Variants in MDGA2 observed in about 807,000 individuals in gnomAD.
MDGA2 encodes MAM domain containing glycosylphosphatidylinositol anchor 2, also known as MAM domain-containing glycosylphosphatidylinositol anchor protein 2.
A neutral mutation model predicts 117.8 loss-of-function variants in MDGA2; 40 were observed. The ratio of observed to expected loss-of-function variants is 0.34; its 90% confidence interval spans 0.26 to 0.44. MDGA2 has a LOEUF of 0.44. MDGA2 is among the 20% of genes least tolerant of loss of function. The pLI is 1.00. For synonymous variants in MDGA2, 452 were observed against 439.0 expected, an observed-to-expected ratio of 1.03 and a Z score of -0.37; for missense variants, 1,123 against 1,250.6, an observed-to-expected ratio of 0.90 and a Z score of 1.54.
At chr14:47,110,211 T>C (rs1341418847) in intron 5 of MDGA2, among the ~76,000 whole-genome samples, 3 of 152,144 alleles carry the variant, frequency 2.0e-5, no homozygotes, top group Non-Finnish European at 2.9e-5. Context: ...TTTGTACTTA[T>C]TTGTTCATTT....
chr14:47,657,778 C>T (rs1353502509), intron 1 of MDGA2, among the ~76,000 whole-genome samples: 1 of 152,154 alleles, frequency 6.6e-6, no homozygotes, highest in African/African-American at 2.4e-5. Flanking sequence ...GGTTCTATCA[C>T]ATCATCTAAT....
At chr14:47,295,963 T>C (rs1889057013) in intron 2 of MDGA2, among the ~76,000 whole-genome samples, 1 of 151,394 alleles carries the variant, frequency 6.6e-6, no homozygotes, top group Non-Finnish European at 1.5e-5. Context: ...GATAGATAGA[T>C]AGATAGATAG....
At position 46,957,615 on chromosome 14, in the gene MDGA2, C is replaced by G; in HGVS notation, c.1848G>C (p.Leu616Phe). The change falls in exon 9 of 17, where the codon TTG becomes TTC. Residue 616 changes from leucine to phenylalanine, a missense_variant. Leu to Phe is a conservative substitution (Grantham distance 22). This residue lies in a region of MDGA2 where 890 missense variants were observed against 1,050.3 expected (regional missense o/e 0.85). Transcript: ENST00000399232. ...TTCGATCCTGTCCTTGCCGGATTTC[C>G]AAGAATGCTGGTTCCACTGCAGGGG... ...QYPPAVEPAF[L>F]EIRQGQDRSV... 1.2e-6 allele frequency: 2 copies of G among 1,614,064 alleles called. No homozygotes were observed. The highest frequency in any genetic ancestry group is 1.7e-6 in the Non-Finnish European group (2 of 1,179,992).
At chr14:46,863,644 A>C (rs1881603507) in intron 14 of MDGA2, among the ~76,000 whole-genome samples, 1 of 152,162 alleles carries the variant, frequency 6.6e-6, no homozygotes, top group South Asian at 2.1e-4. Flanking sequence ...AATTAGACTT[A>C]TATGGTTTGA....
chr14:47,237,700 A>G (rs1051200391), intron 2 of MDGA2, among the ~76,000 whole-genome samples: 10 of 152,110 alleles, frequency 6.6e-5, no homozygotes, highest in African/African-American at 2.4e-4. Context: ...AGTTCCTCAT[A>G]TCGAAATTCT....
chr14:47,297,630 A>ACTTT (rs907064199), intron 2 of MDGA2, among the ~76,000 whole-genome samples: 1 of 152,154 alleles, frequency 6.6e-6, no homozygotes, highest in Non-Finnish European at 1.5e-5. Flanking sequence ...GCAAACCCTT[A>ACTTT]CTTTCTTTCT....
intron 1 of MDGA2, among the ~76,000 whole-genome samples, chr14:47,622,036 C>T (rs1897059049): frequency 6.6e-6 from 1 of 152,186 alleles, no homozygotes; most frequent in Non-Finnish European, 1.5e-5. Flanking sequence ...GTATTAAATT[C>T]ATATGAGCTA....
At chr14:47,256,999 G>A (rs1178722073) in intron 2 of MDGA2, among the ~76,000 whole-genome samples, 1 of 152,000 alleles carries the variant, frequency 6.6e-6, no homozygotes, top group African/African-American at 2.4e-5. Context: ...GAAAAAGGAA[G>A]GGGATAGGAA....
At chr14:47,649,141 T>G (rs1897590776) in intron 1 of MDGA2, among the ~76,000 whole-genome samples, 2 of 152,162 alleles carry the variant, frequency 1.3e-5, no homozygotes, top group African/African-American at 4.8e-5. Context: ...TGATTAAGAG[T>G]AACTTTACAT....
At chr14:47,262,233 G>A (rs1887821020) in intron 2 of MDGA2, among the ~76,000 whole-genome samples, 1 of 152,154 alleles carries the variant, frequency 6.6e-6, no homozygotes, top group African/African-American at 2.4e-5. Context: ...ACTAATATAT[G>A]TGTATTCATT....
chr14:47,560,117 G>T (rs1228016630), intron 1 of MDGA2, among the ~76,000 whole-genome samples: 1 of 151,022 alleles, frequency 6.6e-6, no homozygotes, highest in Non-Finnish European at 1.5e-5. Flanking sequence ...GCCCAGCCTG[G>T]AGTGCAGTGG....
At chr14:47,038,069 A>C (rs912840370) in intron 7 of MDGA2, among the ~76,000 whole-genome samples, 2 of 152,126 alleles carry the variant, frequency 1.3e-5, no homozygotes, top group Non-Finnish European at 2.9e-5. Context: ...AGCTGGGATT[A>C]CAGGTGTGCA....
At chr14:47,022,394 T>A (rs1416419712) in intron 8 of MDGA2, among the ~76,000 whole-genome samples, 1 of 152,156 alleles carries the variant, frequency 6.6e-6, no homozygotes, top group Non-Finnish European at 1.5e-5. Flanking sequence ...AAATAAACAT[T>A]GAAAATGAAA....
chr14:47,091,315 A>C (rs563101229), intron 6 of MDGA2, among the ~76,000 whole-genome samples: 2 of 152,140 alleles, frequency 1.3e-5, no homozygotes, highest in Non-Finnish European at 2.9e-5. Flanking sequence ...TACATCACTA[A>C]ATAAGACAAT....
intron 2 of MDGA2, among the ~76,000 whole-genome samples, chr14:47,225,232 A>G (rs1886443229): frequency 1.3e-5 from 2 of 152,048 alleles, no homozygotes; most frequent in South Asian, 4.2e-4. Context: ...AACTAGTTCA[A>G]CCATTGTGGA....
Position 46,993,197 on chromosome 14 carries a change from T to C in MDGA2, c.1820-35554A>G, listed in dbSNP as rs989158328. Among the ~76,000 whole-genome samples the C allele has an allele frequency of 2.6e-5, 4 of 152,156 alleles. No homozygotes were observed. The South Asian group carries it at 6.2e-4, about 24-fold the overall frequency. On this transcript the variant is annotated intron_variant, in intron 8 of 16. Coordinates refer to ENST00000399232, the MANE Select transcript of MDGA2 (RefSeq NM_001113498.3). Reference sequence around the variant, plus strand: ...GATGCGAGGTATGCTTTTAATAAAATAGCATTGTTTATTAAGCACATTTTA... The same window carrying C: ...GATGCGAGGTATGCTTTTAATAAAACAGCATTGTTTATTAAGCACATTTTA...
chr14:46,928,681 T>C (rs1167486332), intron 9 of MDGA2, among the ~76,000 whole-genome samples: 1 of 152,200 alleles, frequency 6.6e-6, no homozygotes, highest in Non-Finnish European at 1.5e-5. Context: ...TAAACTAAAA[T>C]ACTTTCCTCC....
chr14:47,517,069 G>GT (rs1894768722), intron 1 of MDGA2, among the ~76,000 whole-genome samples: 1 of 152,128 alleles, frequency 6.6e-6, no homozygotes, highest in Admixed American at 6.6e-5. Context: ...TTAACAAATA[G>GT]TTTATATATG....
intron 8 of MDGA2, among the ~76,000 whole-genome samples, chr14:47,000,380 T>TATATATATTTATATATAA (rs1887472745): frequency 1.5e-4 from 10 of 68,912 alleles, no homozygotes; most frequent in South Asian, 4.5e-4. Flanking sequence ...TATATATTTA[T>TATATATATTTATATATAA]ATATATATAT....
Sources: allele counts gnomAD v4.1 joint callset (sites outside exome capture counted in the v4.1 genomes callset), GRCh38; gene constraint gnomAD v4.1.1; regional missense constraint gnomAD v4.1.1; transcripts MANE v1.5; gene names NCBI Gene and HGNC (gene_info 2026-07-23, HGNC 2026-07-21).